Variants in CCDC178 observed in about 807,000 individuals in gnomAD.
The protein encoded by CCDC178 is coiled-coil domain-containing protein 178.
In CCDC178, 126 loss-of-function variants were observed where a neutral mutation model predicts 117.4. The ratio of observed to expected loss-of-function variants is 1.07; its 90% CI spans 0.93 to 1.24. The LOEUF (loss-of-function observed/expected upper bound fraction) is 1.24, where lower values mean the gene tolerates loss of function less well. Among genes scored for constraint, CCDC178 ranks in the 50% most tolerant of loss-of-function variants. CCDC178 has a pLI of 0.00. For synonymous variants in CCDC178, 283 were observed against 313.4 expected, an observed-to-expected ratio of 0.90 and a Z score of 1.02; for missense variants, 1,030 against 986.9, an observed-to-expected ratio of 1.04 and a Z score of -0.59.
At chr18:33,352,062 T>C (rs1722539278) in intron 7 of CCDC178, among the ~76,000 whole-genome samples, 1 of 152,210 alleles carries the variant, frequency 6.6e-6, no homozygotes, top group African/African-American at 2.4e-5. Flanking sequence ...AGATTTTTTT[T>C]GTTGGGGAAA....
At chr18:33,406,724 T>A (rs1280821849) in intron 3 of CCDC178, among the ~76,000 whole-genome samples, 3 of 152,032 alleles carry the variant, frequency 2.0e-5, no homozygotes, top group African/African-American at 4.8e-5. Flanking sequence ...ACCAATTAAA[T>A]CTAAAAGTTA....
chr18:33,207,032 T>C (rs2059052211), intron 20 of CCDC178, among the ~76,000 whole-genome samples: 1 of 152,180 alleles, frequency 6.6e-6, no homozygotes, highest in Non-Finnish European at 1.5e-5. Context: ...GTCCTTTGTC[T>C]CTCAGGCTGG....
At chr18:33,391,563 C>G (rs987976427) in intron 4 of CCDC178, among the ~76,000 whole-genome samples, 1 of 152,030 alleles carries the variant, frequency 6.6e-6, no homozygotes, top group Non-Finnish European at 1.5e-5. Flanking sequence ...TAAGTAGAAA[C>G]TAGCTGCACT....
chr18:33,289,086 T>G (rs1189020337), intron 12 of CCDC178, among the ~76,000 whole-genome samples: 1 of 152,140 alleles, frequency 6.6e-6, no homozygotes, highest in African/African-American at 2.4e-5. Context: ...GTGGGTTGGT[T>G]TTTTTGTTTG....
chr18:33,238,131 C>T (rs954131101), intron 15 of CCDC178, among the ~76,000 whole-genome samples: 1 of 152,124 alleles, frequency 6.6e-6, no homozygotes, highest in African/African-American at 2.4e-5. Context: ...AACTGATACC[C>T]CAAGACTCAT....
At position 33,285,975 on chromosome 18, in the gene CCDC178, A is replaced by T. The variant is rs371450496; in HGVS notation, c.1176+7184T>A. Among the ~76,000 whole-genome samples, 59 of 138,072 alleles carry T rather than the reference A, an allele frequency of 4.3e-4. 1 individual carries two copies. Among genetic ancestry groups the T allele is most frequent in the Non-Finnish European group, 7.8e-4 (51 of 65,530 alleles). The allele number at this position is 138,072 out of a possible 152,430, so 90.6% of individuals were successfully genotyped here. A position where few individuals can be genotyped will look rare whatever the true frequency, so the allele number is the denominator to read the frequency against. Reference sequence around the variant, plus strand: ...ATTATTTAAAAAATTAGCAATGTGTATTTTTTTTTTTTTTTTGAGATGGAG... The same window carrying T: ...ATTATTTAAAAAATTAGCAATGTGTTTTTTTTTTTTTTTTTTGAGATGGAG... On this transcript the variant is annotated intron_variant, in intron 12 of 22. Coordinates refer to ENST00000383096, the MANE Select transcript of CCDC178 (RefSeq NM_001105528.4).
At chr18:32,979,480 C>T (rs1024661203) in intron 21 of CCDC178, among the ~76,000 whole-genome samples, 2 of 151,792 alleles carry the variant, frequency 1.3e-5, no homozygotes, top group African/African-American at 2.4e-5. Context: ...ATCAATATGA[C>T]CAATTTTGAA....
At chr18:33,215,413 T>C in intron 19 of CCDC178, 137 bp downstream of exon 19, 1 of 521,198 alleles carries the variant, frequency 1.9e-6, no homozygotes, top group Non-Finnish European at 3.0e-6. Flanking sequence ...AATTATCAAA[T>C]AACACATATA....
At chr18:33,195,478 G>C (rs948163240) in intron 20 of CCDC178, among the ~76,000 whole-genome samples, 1 of 152,018 alleles carries the variant, frequency 6.6e-6, no homozygotes, top group South Asian at 2.1e-4. Context: ...AACAACCTAC[G>C]AACCTTAAGC....
intron 14 of CCDC178, among the ~76,000 whole-genome samples, chr18:33,255,754 A>ACAGG (rs1201668270): frequency 1.3e-5 from 2 of 152,004 alleles, no homozygotes; most frequent in Non-Finnish European, 2.9e-5. Context: ...AATTTCTGGG[A>ACAGG]CAGGAGATGG....
intron 20 of CCDC178, among the ~76,000 whole-genome samples, chr18:33,157,113 C>A (rs1375055110): frequency 6.6e-6 from 1 of 152,110 alleles, no homozygotes; most frequent in Non-Finnish European, 1.5e-5. Context: ...TCATTATTCC[C>A]AATTTTCTGA....
At chr18:33,289,876 G>T (rs182020835) in intron 12 of CCDC178, among the ~76,000 whole-genome samples, 80 of 152,208 alleles carry the variant, frequency 5.3e-4, no homozygotes, top group African/African-American at 1.8e-3. Context: ...AAAAGTTAAA[G>T]ATATTGAGTA....
intron 7 of CCDC178, among the ~76,000 whole-genome samples, chr18:33,353,915 T>C (rs754079260): frequency 2.0e-5 from 3 of 152,220 alleles, no homozygotes; most frequent in Admixed American, 6.5e-5. Context: ...CCAGTTACTC[T>C]CTAGTGTCGT....
chr18:33,077,645 C>T (rs2057232783), intron 21 of CCDC178, among the ~76,000 whole-genome samples: 1 of 152,170 alleles, frequency 6.6e-6, no homozygotes. Context: ...GAAACTACTA[C>T]AAATACCTCT....
intron 21 of CCDC178, among the ~76,000 whole-genome samples, chr18:33,054,007 A>G (rs1485737671): frequency 6.6e-6 from 1 of 152,216 alleles, no homozygotes; most frequent in Non-Finnish European, 1.5e-5. Context: ...TTAAAACATC[A>G]TACCAGAATG....
chr18:33,056,485 T>C (rs950382704), intron 21 of CCDC178, among the ~76,000 whole-genome samples: 1 of 152,190 alleles, frequency 6.6e-6, no homozygotes, highest in African/African-American at 2.4e-5. Context: ...AAATCACCCC[T>C]ATTAAAAATG....
chr18:33,223,295 G>A lies in CCDC178; in HGVS notation c.1819-76C>T, dbSNP rs553746983. 8.4e-5 allele frequency: 118 copies of A among 1,407,300 alleles called. No homozygotes were observed. The South Asian group carries it at 1.7e-3, about 21-fold the overall frequency. 87.2% of individuals were successfully genotyped at this position (1,407,300 alleles called of 1,614,324 possible). ...CTCATTTAGGCCAAATCGTACTTAA[G>A]TGACTATTTTAATAACAACAGCATT... On this transcript the variant is annotated intron_variant, in intron 17 of 22. Transcript: ENST00000383096.
chr18:33,070,826 G>T (rs117485231), intron 21 of CCDC178, among the ~76,000 whole-genome samples: 2,601 of 152,044 alleles, frequency 0.017, 27 homozygotes, highest in Non-Finnish European at 0.024. Flanking sequence ...TTAAAATCAG[G>T]AATCTATGTA....
In CCDC178 at chr18:33,067,269, T is replaced by C. The variant is rs118079920; in HGVS notation, c.2388+25492A>G. ...CTTGAACAACCATTAGCTCAATAAA[T>C]AAATTAAGACAGATGTCAAAAAATC... On this transcript the variant is annotated intron_variant, in intron 21 of 22. Coordinates refer to ENST00000383096, the MANE Select transcript of CCDC178 (RefSeq NM_001105528.4). Among the ~76,000 whole-genome samples, 218 of 152,072 alleles carry C rather than the reference T, an allele frequency of 1.4e-3. 2 individuals carry two copies. In the East Asian group the frequency reaches 0.022, roughly 15 times the overall value.
Sources: allele counts gnomAD v4.1 joint callset (sites outside exome capture counted in the v4.1 genomes callset), GRCh38; gene constraint gnomAD v4.1.1; transcripts MANE v1.5; gene names NCBI Gene and HGNC (gene_info 2026-07-23, HGNC 2026-07-21).